HR: variants seen among roughly 807,000 people sequenced by gnomAD.
HR encodes the protein HR lysine demethylase and nuclear receptor corepressor, also known as lysine-specific demethylase hairless.
Under a neutral mutation model 128.6 loss-of-function variants are expected in HR, and 83 were observed. The observed-to-expected ratio is 0.65, with a 90% CI of 0.54 to 0.77. HR has a LOEUF of 0.77. HR is among the 30% of genes least tolerant of loss of function. The probability of loss-of-function intolerance (pLI) is 0.00; values close to 1 mark genes in which losing one functional copy is unlikely to be tolerated. For missense variants in HR, 1,490 were observed against 1,574.6 expected, an observed-to-expected ratio of 0.95 and a Z score of 0.91; for synonymous variants, 681 against 658.2, an observed-to-expected ratio of 1.03 and a Z score of -0.53.
At chr8:22,123,617 T>TTTCCC in intron 6 of HR, 32 bp downstream of exon 6, 1 of 292,092 alleles carries the variant, frequency 3.4e-6, no homozygotes, top group Non-Finnish European at 6.2e-6. Flanking sequence ...GAGGGCTCCA[T>TTTCCC]CCCGCCCTCC....
rs770421160 is a variant in HR at position 22,119,202 on chromosome 8, G to A, written c.3059C>T (p.Ala1020Val). 1 of 1,613,866 alleles carries A rather than the reference G, an allele frequency of 6.2e-7. No homozygotes were observed. The change falls in exon 15 of 19, where the codon GCC becomes GTC. Residue 1020 changes from alanine (A) to valine (V), a missense_variant. Physicochemically the swap from Ala to Val is moderately conservative, Grantham distance 64 (BLOSUM62 0). This residue lies in a region of HR where 423 missense variants were observed against 495.9 expected (regional missense o/e 0.85). Coordinates refer to ENST00000381418, the MANE Select transcript of HR (RefSeq NM_005144.5). ...GTGCCAGGCAGGCAGTGGTGTGTCG[G>A]CATGCACCAGGATGCTGACCAGGTC... Reference protein sequence around the residue: ...VADLVSILVHADTPLPAWHRA... With the variant: ...VADLVSILVHVDTPLPAWHRA...
chr8:22,122,902 C>A lies in HR; in HGVS notation c.1916-23G>T, dbSNP rs1254014761. On this transcript the variant is annotated intron_variant, in intron 6 of 18. Coordinates refer to ENST00000381418, the MANE Select transcript of HR (RefSeq NM_005144.5). ...AGCCTGTGGGGCAGGAAGGGAAAAG[C>A]TGCAGGTCCAGAAATCAAGGTAATC... 5 of 1,548,640 alleles carry A rather than the reference C, an allele frequency of 3.2e-6. No individual in the cohort carries two copies. In the Admixed American group the frequency reaches 9.8e-5, roughly 30 times the overall value.
At chr8:22,126,187 A>G (rs1233584867) in intron 3 of HR, among the ~76,000 whole-genome samples, 2 of 152,252 alleles carry the variant, frequency 1.3e-5, no homozygotes, top group Non-Finnish European at 2.9e-5. Flanking sequence ...GTAACCCAAG[A>G]AGGCGAAGGG....
At chr8:22,128,060 G>C in intron 2 of HR, 1 of 618,216 alleles carries the variant, frequency 1.6e-6, no homozygotes, top group Non-Finnish European at 2.9e-6. Flanking sequence ...AAGAACTAAA[G>C]AGTGAATGCC....
Position 22,117,010 on chromosome 8 carries a change from C to T in HR, c.3243G>A (p.Glu1081=). The stretch of plus-strand genomic sequence containing the variant: ...GGTAGCAGCTGCCTGGGGCGCCAGG[C>T]TCCAGGGCGCCTGCCCCGGCCGGGC... ...MVCPAGAGAL[E]PGAPGSCYLD... Residue 1081 remains glutamate (E), a synonymous_variant, in exon 17 of 19, where the codon GAG becomes GAA. Coordinates refer to ENST00000381418, the MANE Select transcript of HR (RefSeq NM_005144.5). 6.6e-7 allele frequency: 1 copy of T among 1,520,154 alleles called. No individual in the cohort carries two copies. Among genetic ancestry groups the T allele is most frequent in the Admixed American group, 2.1e-5 (1 of 47,798 alleles). 94.2% of individuals were successfully genotyped at this position (1,520,154 alleles called of 1,614,324 possible).
In HR at chr8:22,125,430, G is replaced by C; in HGVS notation, c.1631C>G (p.Ser544Cys). ...TGTGCTGAGCCGGCTGTCAGGGCCG[G>C]ACCCTGGGCCTTCCTCAGAGCTGGA... ...TNSSSEEGPG[S>C]GPDSRLSTGL... The change falls in exon 5 of 19, where the codon TCC becomes TGC. Residue 544 changes from serine to cysteine, a missense_variant. By Grantham distance (112) the Ser-to-Cys change is moderately radical (BLOSUM62 -1). Coordinates refer to ENST00000381418, the MANE Select transcript of HR (RefSeq NM_005144.5). The C allele has an allele frequency of 6.2e-7, 1 of 1,613,160 alleles. No individual in the cohort carries two copies. The highest frequency in any genetic ancestry group is 2.2e-5 in the East Asian group (1 of 44,888).
In HR at chr8:22,119,267, C is replaced by G. The variant is rs757613265; in HGVS notation, c.2994G>C (p.Arg998=). The change falls in exon 15 of 19, where the codon CGG becomes CGC. Residue 998 remains arginine, a synonymous_variant. Transcript: ENST00000381418. ...LWAAYGVSPH[R]GHLGTKNLCV... Reference sequence around the variant, plus strand: ...AGAGGTTCTTGGTCCCCAGGTGTCCCCGGTGCGGGCTCACACCTGCATGGC... The same window carrying G: ...AGAGGTTCTTGGTCCCCAGGTGTCCGCGGTGCGGGCTCACACCTGCATGGC... The G allele has an allele frequency of 1.9e-6, 3 of 1,613,670 alleles. No homozygotes were observed. The South Asian group carries it at 3.3e-5, about 18-fold the overall frequency.
chr8:22,123,033 C>T (rs896292333), intron 6 of HR, among the ~76,000 whole-genome samples, 154 bp from the exon 7 acceptor site: 2 of 152,214 alleles, frequency 1.3e-5, no homozygotes, highest in Non-Finnish European at 2.9e-5. Context: ...AGAGACACAG[C>T]ATTCTTTGCT....
rs909811826 is a variant in HR at position 22,120,791 on chromosome 8, C to T, written c.2535G>A (p.Leu845=). 3.9e-6 allele frequency: 6 copies of T among 1,538,608 alleles called. No homozygotes were observed. Among genetic ancestry groups the T allele is most frequent in the Non-Finnish European group, 5.3e-6 (6 of 1,139,464 alleles). The change falls in exon 11 of 19, where the codon TTG becomes TTA. Residue 845 remains leucine, a synonymous_variant. Transcript: ENST00000381418. ...AAGGCTGGGGCTCCTGCAGCCACAG[C>T]AAAGCCCCTGGGGGAGGCAGCCGGG... ...VRPRLPPPGA[L]LWLQEPQPCP... is the part of the protein sequence containing the mutation.
chr8:22,123,617 T>TGGGGGGGGGG, intron 6 of HR, 32 bp downstream of exon 6: 15 of 292,068 alleles, frequency 5.1e-5, no homozygotes, highest in East Asian at 1.1e-4. Context: ...GAGGGCTCCA[T>TGGGGGGGGGG]CCCGCCCTCC....
chr8:22,123,025 A>G (rs1677987371), intron 6 of HR, 146 bp from the exon 7 acceptor site: 2 of 748,756 alleles, frequency 2.7e-6, no homozygotes, highest in Non-Finnish European at 4.7e-6. Context: ...GGTCACATAG[A>G]GACACAGCAT....
At position 22,127,149 on chromosome 8, in the gene HR, T is replaced by C. The variant is rs1429218947; in HGVS notation, c.1293A>G (p.Pro431=). 1 of 1,612,376 alleles carries C rather than the reference T, an allele frequency of 6.2e-7. No individual in the cohort carries two copies. The highest frequency in any genetic ancestry group is 1.7e-5 in the Admixed American group (1 of 60,014). The change falls in exon 3 of 19, where the codon CCA becomes CCG. Residue 431 remains proline, a synonymous_variant. Coordinates refer to ENST00000381418, the MANE Select transcript of HR (RefSeq NM_005144.5). ...CTGCAGTGCCTGGAAAAGGGTCCGGTGGCCGCTTGGGGGCTGGACTGCCCA... is the reference window on the plus strand; with the variant it reads ...CTGCAGTGCCTGGAAAAGGGTCCGGCGGCCGCTTGGGGGCTGGACTGCCCA... ...GAMGSPAPKR[P]PDPFPGTAEQ...
In HR at chr8:22,123,755, G is replaced by T. The variant is rs763667692; in HGVS notation, c.1809C>A (p.Cys603Ter). The change falls in exon 6 of 19, where the codon TGC becomes TGA. Residue 603 changes from cysteine to a stop codon, truncating the protein, a stop_gained. Coordinates refer to ENST00000381418, the MANE Select transcript of HR (RefSeq NM_005144.5). LOFTEE classifies it high-confidence loss of function. ...AGTGGGTGTTGAAGAGTCCATGGTG[G>T]CAACGGCTGCAGCAGCGTGGAATGC... is the stretch of plus-strand genomic sequence containing the variant. Reference protein sequence around the residue: ...SPGIPRCCSRCHHGLFNTHWR... With the variant: ...SPGIPRCCSR 6.2e-7 allele frequency: 1 copy of T among 1,600,426 alleles called. No individual in the cohort carries two copies. Among genetic ancestry groups the T allele is most frequent in the East Asian group, 2.2e-5 (1 of 44,626 alleles).
At position 22,123,640 on chromosome 8, in the gene HR, C is replaced by CCCCCCCCCCCCCCCCTTTT; in HGVS notation, c.1915+8_1915+9insAAAAGGGGGGGGGGGGGGG. The CCCCCCCCCCCCCCCCTTTT allele has an allele frequency of 6.6e-7, 1 of 1,523,188 alleles. No individual in the cohort carries two copies. Among genetic ancestry groups the CCCCCCCCCCCCCCCCTTTT allele is most frequent in the South Asian group, 1.2e-5 (1 of 83,604 alleles). The allele number at this position is 1,523,188 out of a possible 1,614,324, so 94.4% of individuals were successfully genotyped here. The stretch of plus-strand genomic sequence containing the variant: ...CATCCCGCCCTCCCACCCCCAGCCC[C>CCCCCCCCCCCCCCCCTTTT]TCTCCTACCTGCTTTCTCCCTGGCC... On this transcript the variant is annotated intron_variant, in intron 6 of 18. Transcript: ENST00000381418.
rs750319756 is a variant in HR, at chr8:22,127,146, C to T, written c.1296G>A (p.Pro432=). ...AMGSPAPKRP[P]DPFPGTAEQG... ...GTTCTGCAGTGCCTGGAAAAGGGTC[C>T]GGTGGCCGCTTGGGGGCTGGACTGC... The change falls in exon 3 of 19, where the codon CCG becomes CCA. Residue 432 remains proline (P), a synonymous_variant. Coordinates refer to ENST00000381418, the MANE Select transcript of HR (RefSeq NM_005144.5). 4.1e-5 allele frequency: 66 copies of T among 1,612,196 alleles called. 1 individual carries two copies. Among genetic ancestry groups the T allele is most frequent in the Admixed American group, 2.8e-4 (17 of 59,990 alleles).
rs955400355 is a variant in HR at position 22,120,798 on chromosome 8, C to T, written c.2528G>A (p.Gly843Glu). ...GGGCTCCTGCAGCCACAGCAAAGCC[C>T]CTGGGGGAGGCAGCCGGGGCCGCAC... ...SPVRPRLPPP[G>E]ALLWLQEPQP... is the part of the protein sequence containing the mutation. Residue 843 changes from glycine (G) to glutamate (E), a missense_variant, in exon 11 of 19, where the codon GGG (glycine) becomes GAG (glutamate). Physicochemically the swap from Gly to Glu is moderately conservative, Grantham distance 98. Coordinates refer to ENST00000381418, the MANE Select transcript of HR (RefSeq NM_005144.5). 5.2e-6 allele frequency: 8 copies of T among 1,544,138 alleles called. No individual in the cohort carries two copies. In the African/African-American group the frequency reaches 1.1e-4, roughly 21 times the overall value.
Position 22,116,785 on chromosome 8 carries a change from T to G in HR, c.3378+90A>C. 6.8e-7 allele frequency: 1 copy of G among 1,472,618 alleles called. No individual in the cohort carries two copies. Among genetic ancestry groups the G allele is most frequent in the Non-Finnish European group, 9.2e-7 (1 of 1,088,936 alleles). 91.2% of individuals were successfully genotyped at this position (1,472,618 alleles called of 1,614,324 possible). On this transcript the variant is annotated intron_variant, in intron 17 of 18. Transcript: ENST00000381418. This position sits in a 1 kb window ranked among gnomAD's most constrained non-coding sequence, Gnocchi z 4.2. ...CTCCCTGCCCTGCCCGGCTCTTGGG[T>G]ATTGAGGGGATGTTGGATGCCTGCG...
chr8:22,125,262 G>T, intron 5 of HR, 49 bp downstream of exon 5: 1 of 1,533,538 alleles, frequency 6.5e-7, no homozygotes, highest in South Asian at 1.2e-5. Flanking sequence ...AGGGACACCT[G>T]GGGCTCCCCA....
rs1826581915 is a variant in HR, at chr8:22,116,214, G to A, written c.3507+86C>T. 6.3e-7 allele frequency: 1 copy of A among 1,584,204 alleles called. No homozygotes were observed. The highest frequency in any genetic ancestry group is 2.3e-4 in the Middle Eastern group (1 of 4,396). Reference sequence around the variant, plus strand: ...TGGCTGCCTGCTTGGCACAGGGTGGGATCTGCTATGTCCACTGCAGCTGTG... The same window carrying A: ...TGGCTGCCTGCTTGGCACAGGGTGGAATCTGCTATGTCCACTGCAGCTGTG... On this transcript the variant is annotated intron_variant, in intron 18 of 18. Coordinates refer to ENST00000381418, the MANE Select transcript of HR (RefSeq NM_005144.5). The surrounding 1 kb of genome is among the most constrained non-coding windows in gnomAD (Gnocchi z 4.2).
Sources: allele counts gnomAD v4.1 joint callset (sites outside exome capture counted in the v4.1 genomes callset), GRCh38; gene constraint gnomAD v4.1.1; regional missense constraint gnomAD v4.1.1; non-coding constraint Gnocchi (gnomAD v3.1); transcripts MANE v1.5; gene names NCBI Gene and HGNC (gene_info 2026-07-23, HGNC 2026-07-21).